PCDHGA5: variants seen among roughly 807,000 people sequenced by gnomAD.
PCDHGA5 encodes the protein protocadherin gamma subfamily A, 5.
A neutral mutation model predicts 56.7 loss-of-function variants in PCDHGA5; 36 were observed. The ratio of observed to expected loss-of-function variants is 0.64; its 90% CI spans 0.49 to 0.84. The LOEUF is 0.84. PCDHGA5 is among the 40% of genes least tolerant of loss of function. The pLI, the probability that PCDHGA5 is intolerant of heterozygous loss-of-function variation, is 0.00. For synonymous variants in PCDHGA5, 563 were observed against 520.2 expected, an observed-to-expected ratio of 1.08 and a Z score of -1.12; for missense variants, 1,305 against 1,201.5, an observed-to-expected ratio of 1.09 and a Z score of -1.27.
intron 1 of PCDHGA5, chr5:141,418,060 A>G (rs2096216821): frequency 1.2e-6 from 2 of 1,613,850 alleles, no homozygotes; most frequent in Admixed American, 1.7e-5. Flanking sequence ...GCGAGCTGCG[A>G]GTGAGCGCGG....
intron 2 of PCDHGA5, among the ~76,000 whole-genome samples, chr5:141,496,121 C>A (rs1391009290): frequency 6.6e-6 from 1 of 152,088 alleles, no homozygotes; most frequent in Non-Finnish European, 1.5e-5. Flanking sequence ...TCCTTCCCTG[C>A]CCCTCACACA....
intron 1 of PCDHGA5, among the ~76,000 whole-genome samples, chr5:141,483,638 G>A (rs1159840764): frequency 1.4e-5 from 2 of 147,222 alleles, no homozygotes; most frequent in South Asian, 2.1e-4. Flanking sequence ...AGGTATAGAG[G>A]GGTGTGTGTT....
chr5:141,428,891 G>A (rs1382228334), intron 1 of PCDHGA5: 3 of 149,832 alleles, frequency 2.0e-5, no homozygotes, highest in East Asian at 3.9e-4. Flanking sequence ...GTCTCGCTCT[G>A]TGGTCCAGGC....
chr5:141,401,295 TCA>T (rs2094138879), intron 1 of PCDHGA5, among the ~76,000 whole-genome samples: 2 of 151,856 alleles, frequency 1.3e-5, no homozygotes, highest in Non-Finnish European at 2.9e-5. Flanking sequence ...TGAGCCGAGA[TCA>T]CTCCATTGCA....
intron 3 of PCDHGA5, among the ~76,000 whole-genome samples, chr5:141,507,856 A>T (rs1200072170): frequency 1.3e-5 from 2 of 151,926 alleles, no homozygotes; most frequent in Non-Finnish European, 2.9e-5. Flanking sequence ...TCTCACTTTC[A>T]CACCCGCTTC....
chr5:141,423,092 A>T (rs2096708373), intron 1 of PCDHGA5: 5 of 1,613,952 alleles, frequency 3.1e-6, no homozygotes, highest in South Asian at 2.2e-5. Flanking sequence ...GCGGTGGGGG[A>T]GCACACGGGC....
At chr5:141,438,591 CATATATAT>C (rs946798767) in intron 1 of PCDHGA5, among the ~76,000 whole-genome samples, 35 of 75,562 alleles carry the variant, frequency 4.6e-4, no homozygotes, top group South Asian at 1.0e-3. Flanking sequence ...TACATACATA[CATATATAT>C]ATATATATAT....
intron 1 of PCDHGA5, chr5:141,421,999 TC>T: frequency 9.9e-6 from 16 of 1,609,214 alleles, no homozygotes; most frequent in Non-Finnish European, 1.4e-5. Context: ...AAACATCAGC[TC>T]CGGAACTCGG....
At chr5:141,409,423 T>C in intron 1 of PCDHGA5, 1 of 1,614,026 alleles carries the variant, frequency 6.2e-7, no homozygotes. Flanking sequence ...TGGTGACAGA[T>C]GGAGCCCTGG....
chr5:141,504,206 A>C (rs1209911822), intron 2 of PCDHGA5, among the ~76,000 whole-genome samples: 1 of 152,218 alleles, frequency 6.6e-6, no homozygotes, highest in East Asian at 1.9e-4. Context: ...CTGTGGGAAA[A>C]TTCCAAGTAG....
rs751278055 is a variant in PCDHGA5, at chr5:141,375,013, G to A, written c.2421+8262G>A. ...CAACTTCTGCAAATCTAGACTATGAGGACTCGAGTTTTTATGAGCTGGGTG... is the reference window on the plus strand; with the variant it reads ...CAACTTCTGCAAATCTAGACTATGAAGACTCGAGTTTTTATGAGCTGGGTG... On this transcript the variant is annotated intron_variant, in intron 1 of 3. Transcript: ENST00000518069. 6.8e-6 allele frequency: 11 copies of A among 1,613,886 alleles called. No homozygotes were observed. In the African/African-American group the frequency reaches 1.3e-4, roughly 20 times the overall value.
intron 1 of PCDHGA5, chr5:141,415,504 C>G (rs1444248720): frequency 1.2e-6 from 2 of 1,614,216 alleles, no homozygotes; most frequent in South Asian, 2.2e-5. Flanking sequence ...CTTCCCCCAG[C>G]CCAATTATGC....
chr5:141,432,139 TATCCCAGAGAACA>T lies in PCDHGA5; in HGVS notation c.2422-62658_2422-62646del, dbSNP rs745506362. On this transcript the variant is annotated intron_variant, in intron 1 of 3. Transcript: ENST00000518069. The surrounding 1 kb of genome is among the most constrained non-coding windows in gnomAD (Gnocchi z 6.0). ...TCCCTCAGGCCTCCTATTCCGCTTA[TATCCCAGAGAACA>T]ATCCCAGAGGAGTTTCCCTCGTCTC... 1.1e-5 allele frequency: 17 copies of T among 1,613,976 alleles called. No individual in the cohort carries two copies. The highest frequency in any genetic ancestry group is 1.3e-5 in the African/African-American group (1 of 74,892).
At position 141,489,733 on chromosome 5, in the gene PCDHGA5, A is replaced by C; in HGVS notation, c.2422-5074A>C. ...TGCCCAGGATCCGGATGTGGGCACC[A>C]ATACTGTGAGCTTTTACACTCTAAG... On this transcript the variant is annotated intron_variant, in intron 1 of 3. Coordinates refer to ENST00000518069, the MANE Select transcript of PCDHGA5 (RefSeq NM_018918.3). This position sits in a 1 kb window ranked among gnomAD's most constrained non-coding sequence, Gnocchi z 4.5. 1 of 1,614,168 alleles carries C rather than the reference A, an allele frequency of 6.2e-7. No individual in the cohort carries two copies. The highest frequency in any genetic ancestry group is 1.1e-5 in the South Asian group (1 of 91,078).
intron 1 of PCDHGA5, among the ~76,000 whole-genome samples, chr5:141,468,868 A>T (rs1006995156): frequency 9.2e-5 from 14 of 151,794 alleles, no homozygotes; most frequent in African/African-American, 2.4e-4. Flanking sequence ...TCCATCTCAA[A>T]AATAATAATA....
intron 1 of PCDHGA5, chr5:141,398,172 A>G (rs1386610242): frequency 6.1e-6 from 9 of 1,476,892 alleles, no homozygotes; most frequent in Non-Finnish European, 7.2e-6. Context: ...AGAGGCTGCC[A>G]GTGCTCTTTC....
intron 3 of PCDHGA5, among the ~76,000 whole-genome samples, chr5:141,505,981 A>G (rs1285802357): frequency 6.6e-6 from 1 of 151,898 alleles, no homozygotes; most frequent in Non-Finnish European, 1.5e-5. Context: ...CCGAGAGAAC[A>G]CCTCCTCTTT....
Position 141,366,190 on chromosome 5 carries a change from G to T in PCDHGA5, c.1860G>T (p.Gly620=), listed in dbSNP as rs758700678. The T allele has an allele frequency of 3.1e-6, 5 of 1,613,816 alleles. No homozygotes were observed. The highest frequency in any genetic ancestry group is 1.3e-5 in the African/African-American group (1 of 74,958). ...KASEPGLFAV[G]LHTGEVRTAR... ...GCGAGCCAGGACTCTTTGCGGTTGG[G>T]CTGCACACGGGCGAGGTGCGCACAG... Residue 620 remains glycine (G), a synonymous_variant, in exon 1 of 4, where the codon GGG becomes GGT. Coordinates refer to ENST00000518069, the MANE Select transcript of PCDHGA5 (RefSeq NM_018918.3).
At chr5:141,419,192 G>C (rs772847766) in intron 1 of PCDHGA5, 2 of 1,613,934 alleles carry the variant, frequency 1.2e-6, no homozygotes, top group Admixed American at 1.7e-5. Context: ...CATTACTGAC[G>C]TCAATGACAA....
Sources: allele counts gnomAD v4.1 joint callset (sites outside exome capture counted in the v4.1 genomes callset), GRCh38; gene constraint gnomAD v4.1.1; non-coding constraint Gnocchi (gnomAD v3.1); transcripts MANE v1.5; gene names NCBI Gene and HGNC (gene_info 2026-07-23, HGNC 2026-07-21).